Variants in GRM7 observed in about 807,000 individuals in gnomAD.
GRM7 encodes glutamate metabotropic receptor 7.
A neutral mutation model predicts 84.5 loss-of-function variants in GRM7; 35 were observed. The observed-to-expected ratio is 0.41, with a 90% CI of 0.32 to 0.55. The LOEUF (loss-of-function observed/expected upper bound fraction) is 0.55. Among genes scored for constraint, GRM7 ranks in the 20% least tolerant of loss-of-function variants. The probability of loss-of-function intolerance (pLI) is 0.19; values close to 1 mark genes in which losing one functional copy is unlikely to be tolerated. For synonymous variants in GRM7, 487 were observed against 455.1 expected (o/e 1.07, Z -0.89); for missense variants, 1,003 against 1,194.6 (o/e 0.84, Z 2.36).
At chr3:6,937,984 A>T (rs1220351983) in intron 1 of GRM7, among the ~76,000 whole-genome samples, 1 of 152,218 alleles carries the variant, frequency 6.6e-6, no homozygotes, top group Non-Finnish European at 1.5e-5. Context: ...ACAGATAAAG[A>T]TGCTGAGTGG....
At chr3:7,389,891 G>C (rs916189443) in intron 4 of GRM7, among the ~76,000 whole-genome samples, 1 of 151,930 alleles carries the variant, frequency 6.6e-6, no homozygotes, top group Non-Finnish European at 1.5e-5. Context: ...TCATGGTGTT[G>C]TTAGTACTTG....
chr3:7,307,410 T>C (rs1170640063), intron 4 of GRM7, among the ~76,000 whole-genome samples: 1 of 152,212 alleles, frequency 6.6e-6, no homozygotes, highest in Non-Finnish European at 1.5e-5. Context: ...TGATGGGCCA[T>C]GTCTCCAAAG....
Position 7,686,293 on chromosome 3 carries a change from A to G in GRM7, c.2698+5998A>G, listed in dbSNP as rs1700581325. The stretch of plus-strand genomic sequence containing the variant: ...CTTTTCCCAAAAGGAAAATAATAAT[A>G]ATAAAAAGTAATATTGTGTGCACAT... On this transcript the variant is annotated intron_variant, in intron 9 of 9. Coordinates refer to ENST00000357716, the MANE Select transcript of GRM7 (RefSeq NM_000844.4). The G allele has an allele frequency of 5.5e-6, 4 of 725,018 alleles. No individual in the cohort carries two copies. The Admixed American group carries it at 8.2e-5, about 15-fold the overall frequency. 44.9% of individuals were successfully genotyped at this position (725,018 alleles called of 1,614,324 possible). A position where few individuals can be genotyped will look rare whatever the true frequency, so the allele number is the denominator to read the frequency against.
intron 7 of GRM7, among the ~76,000 whole-genome samples, chr3:7,463,660 C>CCTT (rs1698343574): frequency 6.6e-6 from 1 of 151,868 alleles, no homozygotes; most frequent in Non-Finnish European, 1.5e-5. Flanking sequence ...AAAGGAAGGA[C>CCTT]CTACTACAAG....
chr3:7,451,796 T>C (rs1697780302), intron 5 of GRM7: 1 of 152,196 alleles, frequency 6.6e-6, no homozygotes. Context: ...TTGTTATCAT[T>C]ATTAGGCAGA....
intron 9 of GRM7, among the ~76,000 whole-genome samples, chr3:7,704,096 A>G (rs1701312236): frequency 6.6e-6 from 1 of 152,238 alleles, no homozygotes; most frequent in Admixed American, 6.5e-5. Flanking sequence ...ATAAAACATG[A>G]TAACATTGGT....
chr3:7,184,811 G>A (rs1695460190), intron 2 of GRM7, among the ~76,000 whole-genome samples: 1 of 152,018 alleles, frequency 6.6e-6, no homozygotes, highest in African/African-American at 2.4e-5. Flanking sequence ...TTGCTGACTT[G>A]ATTTCACTAT....
intron 4 of GRM7, among the ~76,000 whole-genome samples, chr3:7,373,808 A>G (rs1694235157): frequency 6.6e-6 from 1 of 152,212 alleles, no homozygotes; most frequent in Non-Finnish European, 1.5e-5. Flanking sequence ...TGTGATGGTG[A>G]ATAGTCAATA....
At chr3:7,623,176 A>T (rs1452108969) in intron 8 of GRM7, among the ~76,000 whole-genome samples, 1 of 152,108 alleles carries the variant, frequency 6.6e-6, no homozygotes, top group East Asian at 1.9e-4. Flanking sequence ...CTGAAGGATG[A>T]TGTGCATCCA....
intron 1 of GRM7, among the ~76,000 whole-genome samples, chr3:6,875,626 G>C (rs948866631): frequency 5.9e-5 from 9 of 152,148 alleles, no homozygotes; most frequent in African/African-American, 1.9e-4. Context: ...TTAGCAGTGT[G>C]AGAACAGACC....
intron 7 of GRM7, among the ~76,000 whole-genome samples, chr3:7,463,529 C>T (rs1444941316): frequency 6.6e-6 from 1 of 151,680 alleles, no homozygotes; most frequent in African/African-American, 2.4e-5. Flanking sequence ...AAATGTGGTC[C>T]CTGTTCTTTC....
intron 7 of GRM7, among the ~76,000 whole-genome samples, chr3:7,547,216 T>G (rs930323769): frequency 3.1e-5 from 4 of 130,418 alleles, no homozygotes; most frequent in Non-Finnish European, 5.0e-5. Context: ...TTTTTTTTTT[T>G]TTTTTTTTGA....
chr3:7,261,152 T>G (rs986427458), intron 2 of GRM7, among the ~76,000 whole-genome samples: 4 of 152,170 alleles, frequency 2.6e-5, no homozygotes, highest in Non-Finnish European at 4.4e-5. Flanking sequence ...GCATCCTCCT[T>G]GTGGATCTCC....
At chr3:7,118,211 C>A (rs1467326765) in intron 1 of GRM7, among the ~76,000 whole-genome samples, 1 of 151,838 alleles carries the variant, frequency 6.6e-6, no homozygotes, top group Non-Finnish European at 1.5e-5. Context: ...CATAGTGAGA[C>A]CCTGTCTCTA....
intron 1 of GRM7, among the ~76,000 whole-genome samples, chr3:7,142,980 A>T (rs1693998121): frequency 6.6e-6 from 1 of 152,156 alleles, no homozygotes; most frequent in Non-Finnish European, 1.5e-5. Flanking sequence ...TCTAAGTTCA[A>T]GAAAAAAGGC....
At chr3:6,910,922 G>T (rs998211532) in intron 1 of GRM7, among the ~76,000 whole-genome samples, 1 of 152,030 alleles carries the variant, frequency 6.6e-6, no homozygotes, top group African/African-American at 2.4e-5. Context: ...AATAAATTAA[G>T]TCATCCACTA....
chr3:6,863,735 GC>G lies in GRM7; in HGVS notation c.519+1829del, dbSNP rs1481649784. Among the ~76,000 whole-genome samples the G allele has an allele frequency of 6.6e-6, 1 of 152,156 alleles. No homozygotes were observed. The highest frequency in any genetic ancestry group is 1.5e-5 in the Non-Finnish European group (1 of 68,030). On this transcript the variant is annotated intron_variant, in intron 1 of 9. Transcript: ENST00000357716. This position sits in a 1 kb window ranked among gnomAD's most constrained non-coding sequence, Gnocchi z 4.8. ...AGACATTACCTGAGAACCACTGGGG[GC>G]TGGGGTAGGTTACAGTGTTTTCCCT...
At chr3:7,385,268 T>C (rs1451989642) in intron 4 of GRM7, among the ~76,000 whole-genome samples, 1 of 150,332 alleles carries the variant, frequency 6.7e-6, no homozygotes, top group Non-Finnish European at 1.5e-5. Flanking sequence ...CACTTATTTG[T>C]GGAATCTTAT....
intron 8 of GRM7, among the ~76,000 whole-genome samples, chr3:7,582,493 T>A (rs1695305811): frequency 6.6e-6 from 1 of 152,078 alleles, no homozygotes. Flanking sequence ...CCTTTGTGTA[T>A]AAGTGTGTTT....
Sources: allele counts gnomAD v4.1 joint callset (sites outside exome capture counted in the v4.1 genomes callset), GRCh38; gene constraint gnomAD v4.1.1; non-coding constraint Gnocchi (gnomAD v3.1); transcripts MANE v1.5; gene names NCBI Gene and HGNC (gene_info 2026-07-23, HGNC 2026-07-21).